Variants in CDH12 observed in about 807,000 individuals in gnomAD.
The protein encoded by CDH12 is cadherin-12.
A neutral mutation model predicts 74.1 loss-of-function variants in CDH12; 41 were observed. The observed-to-expected ratio is 0.55, with a 90% CI of 0.43 to 0.72. The LOEUF is 0.72. Ranked by LOEUF, CDH12 falls within the 30% of genes least tolerant of loss-of-function variation. The pLI, the probability that CDH12 is intolerant of heterozygous loss-of-function variation, is 0.00. For synonymous variants in CDH12, 399 were observed against 355.0 expected, an observed-to-expected ratio of 1.12 and a Z score of -1.39; for missense variants, 945 against 977.2, an observed-to-expected ratio of 0.97 and a Z score of 0.44.
intron 3 of CDH12, among the ~76,000 whole-genome samples, chr5:22,298,372 T>C (rs1209791391): frequency 6.6e-6 from 1 of 152,004 alleles, no homozygotes; most frequent in East Asian, 1.9e-4. Context: ...ACCCTTTAAA[T>C]AAATCCTATT....
intron 13 of CDH12, among the ~76,000 whole-genome samples, chr5:21,759,463 G>C (rs1315188587): frequency 6.6e-6 from 1 of 151,726 alleles, no homozygotes; most frequent in Non-Finnish European, 1.5e-5. Context: ...TGATGGCATT[G>C]GTGGTGGCTA....
intron 4 of CDH12, among the ~76,000 whole-genome samples, chr5:22,086,224 T>C (rs1183349233): frequency 6.6e-6 from 1 of 152,204 alleles, no homozygotes; most frequent in Non-Finnish European, 1.5e-5. Flanking sequence ...GATCTTAACT[T>C]ATGGGGTTCA....
chr5:22,368,116 T>C (rs990409237), intron 3 of CDH12, among the ~76,000 whole-genome samples: 2 of 152,138 alleles, frequency 1.3e-5, no homozygotes, highest in African/African-American at 4.8e-5. Flanking sequence ...ATATGTGAAA[T>C]TTAAACTAAA....
At chr5:22,168,670 C>T (rs1039873077) in intron 4 of CDH12, among the ~76,000 whole-genome samples, 25 of 151,926 alleles carry the variant, frequency 1.6e-4, no homozygotes, top group African/African-American at 5.8e-4. Context: ...CATCCTGACT[C>T]TCCTTGCAGC....
chr5:22,279,822 T>A (rs1736797979), intron 3 of CDH12, among the ~76,000 whole-genome samples: 1 of 152,178 alleles, frequency 6.6e-6, no homozygotes. Flanking sequence ...TTGTGAGTAG[T>A]GCCGCAATAA....
chr5:21,924,660 T>A (rs1248463157), intron 6 of CDH12, among the ~76,000 whole-genome samples: 1 of 152,256 alleles, frequency 6.6e-6, no homozygotes, highest in East Asian at 1.9e-4. Context: ...CTGTTGTTGT[T>A]AAGGTTATTT....
rs557178554 is a variant in CDH12, at chr5:22,264,155, T to C, written c.-332-51512A>G. 3.3e-5 allele frequency among the ~76,000 whole-genome samples: 5 copies of C among 151,980 alleles called. No homozygotes were observed. In the South Asian group the frequency reaches 6.2e-4, roughly 19 times the overall value. ...TTGGGATTGGTGCCTGGAAGTAATA[T>C]TGCTGAGACAAAAATATATGAACTT... On this transcript the variant is annotated intron_variant, in intron 3 of 14. Coordinates refer to ENST00000382254, the MANE Select transcript of CDH12 (RefSeq NM_004061.5).
intron 1 of CDH12, among the ~76,000 whole-genome samples, chr5:22,604,362 C>T (rs973291100): frequency 1.3e-5 from 2 of 152,202 alleles, no homozygotes; most frequent in African/African-American, 4.8e-5. Flanking sequence ...TAACACCAAA[C>T]ATTCCTTATC....
At chr5:22,674,901 GA>G (rs1741085220) in intron 1 of CDH12, among the ~76,000 whole-genome samples, 1 of 152,174 alleles carries the variant, frequency 6.6e-6, no homozygotes. Flanking sequence ...AAGCATTCAA[GA>G]GGTGACTTGG....
chr5:21,916,847 A>G (rs1377683214), intron 6 of CDH12, among the ~76,000 whole-genome samples: 1 of 152,212 alleles, frequency 6.6e-6, no homozygotes, highest in Non-Finnish European at 1.5e-5. Context: ...GGGCCAGGCA[A>G]GGCTTCATTT....
At chr5:22,834,448 A>T (rs10068933) in intron 1 of CDH12, among the ~76,000 whole-genome samples, 64 of 152,268 alleles carry the variant, frequency 4.2e-4, no homozygotes, top group African/African-American at 1.4e-3. Context: ...TAAGGATGTT[A>T]ATTTTAATGA....
rs1478544998 is a variant in CDH12 at position 22,048,347 on chromosome 5, CAG to C, written c.231+30097_231+30098del. On this transcript the variant is annotated intron_variant, in intron 5 of 14. Transcript: ENST00000382254. ...GATAGAGTACTGATGATGCTTGTAA[CAG>C]TGTAGTACATCCATCAGTAGACCAA... 1.1e-4 allele frequency among the ~76,000 whole-genome samples: 16 copies of C among 152,226 alleles called. No individual in the cohort carries two copies. The East Asian group carries it at 2.9e-3, about 28-fold the overall frequency.
intron 6 of CDH12, among the ~76,000 whole-genome samples, chr5:21,938,331 G>A (rs1368200315): frequency 6.6e-6 from 1 of 152,088 alleles, no homozygotes; most frequent in East Asian, 1.9e-4. Context: ...AAACACAGAG[G>A]TCATGAAGAT....
At chr5:22,562,740 G>A (rs984281089) in intron 1 of CDH12, among the ~76,000 whole-genome samples, 24 of 151,222 alleles carry the variant, frequency 1.6e-4, no homozygotes, top group African/African-American at 5.6e-4. Context: ...TGCTAAATAT[G>A]CAAACAAAAA....
At chr5:22,549,841 C>G (rs1352788867) in intron 1 of CDH12, among the ~76,000 whole-genome samples, 2 of 152,146 alleles carry the variant, frequency 1.3e-5, no homozygotes, top group Non-Finnish European at 2.9e-5. Context: ...GAAATATTTT[C>G]CCAATTACCT....
chr5:22,675,870 C>CAG (rs1741147718), intron 1 of CDH12, among the ~76,000 whole-genome samples: 1 of 92,156 alleles, frequency 1.1e-5, no homozygotes, highest in African/African-American at 4.0e-5. Flanking sequence ...TTTTGTATCT[C>CAG]ATATATATAT....
chr5:21,775,238 C>T (rs561835896), intron 11 of CDH12, among the ~76,000 whole-genome samples: 1 of 152,328 alleles, frequency 6.6e-6, no homozygotes, highest in African/African-American at 2.4e-5. Flanking sequence ...GAATCCACAC[C>T]TCTTTGTCAC....
chr5:22,623,872 A>G (rs1738122380), intron 1 of CDH12, among the ~76,000 whole-genome samples: 1 of 152,222 alleles, frequency 6.6e-6, no homozygotes, highest in African/African-American at 2.4e-5. Context: ...TCCTAAGCCA[A>G]AAGAACAAAG....
intron 5 of CDH12, among the ~76,000 whole-genome samples, chr5:22,043,614 AT>A (rs1271818931): frequency 2.6e-5 from 4 of 151,942 alleles, no homozygotes; most frequent in African/African-American, 9.7e-5. Context: ...AAATAAAAAA[AT>A]AAAAAGCATC....
Sources: allele counts gnomAD v4.1 joint callset (sites outside exome capture counted in the v4.1 genomes callset), GRCh38; gene constraint gnomAD v4.1.1; transcripts MANE v1.5; gene names NCBI Gene and HGNC (gene_info 2026-07-23, HGNC 2026-07-21).